Variants in WDPCP observed in about 807,000 individuals in gnomAD.
WDPCP encodes WD repeat-containing and planar cell polarity effector protein fritz homolog.
A neutral mutation model predicts 93.1 loss-of-function variants in WDPCP; 71 were observed. The observed-to-expected ratio is 0.76, with a 90% CI of 0.63 to 0.93. The LOEUF is 0.93. Ranked by LOEUF, WDPCP falls within the 40% of genes least tolerant of loss-of-function variation. WDPCP has a pLI of 0.00. For missense variants in WDPCP, 844 were observed against 887.4 expected, an observed-to-expected ratio of 0.95 and a Z score of 0.62; for synonymous variants, 315 against 315.0, an observed-to-expected ratio of 1.00 and a Z score of 0.00.
At chr2:63,575,489 A>ACAGTATATACAGTGTATGCACT (rs1257278044) in intron 1 of WDPCP, among the ~76,000 whole-genome samples, 962 of 17,304 alleles carry the variant, frequency 0.056, 263 homozygotes, top group East Asian at 0.26. Context: ...GTGTATATAT[A>ACAGTATATACAGTGTATGCACT]GTATATACAG....
At position 63,259,318 on chromosome 2, in the gene WDPCP, G is replaced by A. The variant is rs1681410195; in HGVS notation, c.1904C>T (p.Thr635Ile). ...RASDIDAESI[T>I]SGVELLGPLD... ...GCGTTAATTCTTACCAACCCCAGAG[G>A]TTATTGATTCTGCATCAATGTCACT... Residue 635 changes from threonine (T) to isoleucine (I), a missense_variant, in exon 14 of 18, where the codon ACC becomes ATC. Thr to Ile is a moderately conservative substitution (Grantham distance 89). Coordinates refer to ENST00000272321, the MANE Select transcript of WDPCP (RefSeq NM_015910.7). 1 of 1,612,462 alleles carries A rather than the reference G, an allele frequency of 6.2e-7. No homozygotes were observed. Among genetic ancestry groups the A allele is most frequent in the Non-Finnish European group, 8.5e-7 (1 of 1,179,370 alleles).
intron 12 of WDPCP, among the ~76,000 whole-genome samples, chr2:63,370,224 C>T (rs1021830280): frequency 6.6e-6 from 1 of 152,140 alleles, no homozygotes; most frequent in Non-Finnish European, 1.5e-5. Context: ...GTATTCCTTC[C>T]TAAATGGCCC....
intron 13 of WDPCP, among the ~76,000 whole-genome samples, chr2:63,298,254 T>C (rs1474135717): frequency 6.6e-6 from 1 of 152,132 alleles, no homozygotes; most frequent in African/African-American, 2.4e-5. Flanking sequence ...CCCAGCCACA[T>C]ATCTTTGGTT....
chr2:63,468,559 G>A (rs1374887138), intron 6 of WDPCP, among the ~76,000 whole-genome samples: 3 of 152,196 alleles, frequency 2.0e-5, no homozygotes, highest in African/African-American at 7.2e-5. Flanking sequence ...GCATTCTTGT[G>A]TATGTAACAC....
intron 1 of WDPCP, among the ~76,000 whole-genome samples, chr2:63,562,799 A>C (rs1706725450): frequency 6.6e-6 from 1 of 152,238 alleles, no homozygotes; most frequent in Non-Finnish European, 1.5e-5. Flanking sequence ...AAAATGTCCC[A>C]GATTTGGCCA....
chr2:63,139,737 G>T (rs553657454), intron 17 of WDPCP, among the ~76,000 whole-genome samples: 3 of 152,252 alleles, frequency 2.0e-5, no homozygotes, highest in Admixed American at 6.5e-5. Context: ...TATAGATTGT[G>T]AAGATTTTCT....
Position 63,322,479 on chromosome 2 carries a change from T to C in WDPCP, c.1749-9168A>G, listed in dbSNP as rs535288507. Among the ~76,000 whole-genome samples the C allele has an allele frequency of 3.3e-5, 5 of 152,266 alleles. No homozygotes were observed. The East Asian group carries it at 5.8e-4, about 18-fold the overall frequency. On this transcript the variant is annotated intron_variant, in intron 12 of 17. Coordinates refer to ENST00000272321, the MANE Select transcript of WDPCP (RefSeq NM_015910.7). The stretch of plus-strand genomic sequence containing the variant: ...ACACTCACCGTGAAGGTCTGCAGCT[T>C]CACTCCTGAAGTCAGTGAGACCATG...
At chr2:63,191,142 C>T (rs1428625918) in intron 14 of WDPCP, among the ~76,000 whole-genome samples, 1 of 152,140 alleles carries the variant, frequency 6.6e-6, no homozygotes, top group African/African-American at 2.4e-5. Context: ...CCTGTAATCC[C>T]AGCACTTTGG....
intron 12 of WDPCP, among the ~76,000 whole-genome samples, chr2:63,362,248 G>A (rs948773015): frequency 5.0e-4 from 30 of 60,196 alleles, no homozygotes; most frequent in Admixed American, 1.1e-3. Context: ...TGGTAAAATC[G>A]GTAGAATCCC....
chr2:63,730,646 G>C (rs1056939951), intron 2 of WDPCP, among the ~76,000 whole-genome samples: 7 of 151,808 alleles, frequency 4.6e-5, no homozygotes, highest in Non-Finnish European at 1.0e-4. Context: ...TTATTTTACT[G>C]TCTTCTTTAT....
chr2:63,401,103 A>G (rs1230549494), intron 10 of WDPCP, among the ~76,000 whole-genome samples: 1 of 152,196 alleles, frequency 6.6e-6, no homozygotes, highest in Non-Finnish European at 1.5e-5. Flanking sequence ...TTCATGACGA[A>G]AAAACCAAAA....
At chr2:63,792,587 AAG>A (rs2104006200) in intron 2 of WDPCP, among the ~76,000 whole-genome samples, 1 of 152,316 alleles carries the variant, frequency 6.6e-6, no homozygotes, top group South Asian at 2.1e-4. Flanking sequence ...TCCTAAAGAA[AAG>A]AGCTGATTAG....
intron 13 of WDPCP, among the ~76,000 whole-genome samples, chr2:63,276,937 AAAGTT>A (rs1408532891): frequency 6.6e-6 from 1 of 152,194 alleles, no homozygotes; most frequent in Non-Finnish European, 1.5e-5. Flanking sequence ...CAAGTTATCT[AAAGTT>A]AAGATGAAGG....
chr2:63,675,316 C>G (rs1184600332), intron 2 of WDPCP, among the ~76,000 whole-genome samples: 2 of 152,178 alleles, frequency 1.3e-5, no homozygotes, highest in South Asian at 2.1e-4. Context: ...GTTCTGCAGT[C>G]TCCTTGGCTG....
chr2:63,638,043 T>A (rs928907825), intron 3 of WDPCP, among the ~76,000 whole-genome samples: 4 of 152,196 alleles, frequency 2.6e-5, no homozygotes, highest in African/African-American at 9.7e-5. Context: ...AAAAAATGTG[T>A]TATGTATGTA....
intron 14 of WDPCP, among the ~76,000 whole-genome samples, chr2:63,233,735 C>T (rs1240238693): frequency 6.6e-6 from 1 of 152,066 alleles, no homozygotes; most frequent in East Asian, 1.9e-4. Flanking sequence ...TTCTGGAATG[C>T]ACTGGTTCTG....
chr2:63,694,186 A>G (rs1253186654), intron 2 of WDPCP, among the ~76,000 whole-genome samples: 3 of 152,198 alleles, frequency 2.0e-5, no homozygotes, highest in Non-Finnish European at 4.4e-5. Flanking sequence ...TAAGATAATA[A>G]AGGAAAACTA....
chr2:63,762,339 T>A (rs1377729425), intron 2 of WDPCP, among the ~76,000 whole-genome samples: 1 of 152,146 alleles, frequency 6.6e-6, no homozygotes, highest in African/African-American at 2.4e-5. Context: ...TGAATTAAAA[T>A]CAGAAAATCT....
At position 63,752,051 on chromosome 2, in the gene WDPCP, C is replaced by T. The variant is rs1483339658; in HGVS notation, n.308+61571G>A. ...CCAAAGTTTCCAGAACCACTTCAACCTCTTTGGCTGGGTGAAGCACTATCC... is the reference window on the plus strand; with the variant it reads ...CCAAAGTTTCCAGAACCACTTCAACTTCTTTGGCTGGGTGAAGCACTATCC... On this transcript the variant is annotated intron_variant and non_coding_transcript_variant, in intron 2 of 4. Coordinates refer to the WDPCP transcript ENST00000467687. 11 of 623,258 alleles carry T rather than the reference C, an allele frequency of 1.8e-5. No homozygotes were observed. In the East Asian group the frequency reaches 3.5e-4, roughly 20 times the overall value. The allele number at this position is 623,258 out of a possible 1,614,324, so 38.6% of individuals were successfully genotyped here.
Sources: allele counts gnomAD v4.1 joint callset (sites outside exome capture counted in the v4.1 genomes callset), GRCh38; gene constraint gnomAD v4.1.1; transcripts MANE v1.5; gene names NCBI Gene and HGNC (gene_info 2026-07-23, HGNC 2026-07-21).